The following ZFAT variants were observed in gnomAD, a reference collection of about 807,000 sequenced individuals.
ZFAT encodes zinc finger and AT-hook domain containing.
In ZFAT, 64 loss-of-function variants were observed where a neutral mutation model predicts 117.7. The observed-to-expected ratio is 0.54, with a 90% CI of 0.44 to 0.67. The LOEUF is 0.67. Among genes scored for constraint, ZFAT ranks in the 30% least tolerant of loss-of-function variants. The pLI is 0.00. For missense variants in ZFAT, 1,433 were observed against 1,584.5 expected (o/e 0.90, Z 1.62); for synonymous variants, 679 against 615.0 (o/e 1.10, Z -1.54).
chr8:134,602,901 C>T lies in ZFAT; in HGVS notation c.818G>A (p.Cys273Tyr), dbSNP rs1371386483. ...CTTGAAGACCTTGTTGCAGTATTCA[C>T]AAGTGAAGATTTTGAGCTGAGTGGG... The part of the protein sequence containing the change: ...LGPTQLKIFT[C>Y]EYCNKVFKFK... Residue 273 changes from cysteine to tyrosine, a missense_variant, in exon 6 of 16, where the codon TGT (cysteine) becomes TAT (tyrosine). This residue lies in a region of ZFAT where 436 missense variants were observed against 482.0 expected (regional missense o/e 0.90). Coordinates refer to ENST00000377838, the MANE Select transcript of ZFAT (RefSeq NM_020863.4). 2 of 1,612,934 alleles carry T rather than the reference C, an allele frequency of 1.2e-6. No individual in the cohort carries two copies. Among genetic ancestry groups the T allele is most frequent in the Non-Finnish European group, 8.5e-7 (1 of 1,179,354 alleles).
chr8:134,754,185 C>A, the ZFAT span, among the ~76,000 whole-genome samples: 1 of 152,186 alleles, frequency 6.6e-6, no homozygotes, highest in Admixed American at 6.5e-5. Context: ...CGCCTACAGG[C>A]AGGATGAGAA....
At chr8:134,585,384 T>C (rs905972367) in intron 9 of ZFAT, among the ~76,000 whole-genome samples, 8 of 152,182 alleles carry the variant, frequency 5.3e-5, no homozygotes, top group Non-Finnish European at 1.2e-4. Flanking sequence ...TGTCTTTAGA[T>C]CCTTTATAAA....
At chr8:134,610,118 C>A (rs746364992) in intron 4 of ZFAT, among the ~76,000 whole-genome samples, 28 of 152,298 alleles carry the variant, frequency 1.8e-4, no homozygotes, top group Non-Finnish European at 3.8e-4. Flanking sequence ...TGCAGGACAG[C>A]ATGGCTGAGA....
At chr8:134,651,465 A>C (rs1382491546) in intron 2 of ZFAT, among the ~76,000 whole-genome samples, 1 of 152,244 alleles carries the variant, frequency 6.6e-6, no homozygotes, top group Non-Finnish European at 1.5e-5. Flanking sequence ...AGGTAGTTGT[A>C]GAAGTTGTAC....
the ZFAT span, among the ~76,000 whole-genome samples, chr8:134,777,889 T>C: frequency 6.6e-6 from 1 of 152,190 alleles, no homozygotes; most frequent in Non-Finnish European, 1.5e-5. Flanking sequence ...TAGTGCAGCT[T>C]CCAGTTCATT....
intron 15 of ZFAT, among the ~76,000 whole-genome samples, chr8:134,508,929 TTTA>T (rs1316890267): frequency 6.6e-6 from 1 of 152,254 alleles, no homozygotes; most frequent in Admixed American, 6.5e-5. Context: ...TTTTCTGTTT[TTTA>T]AAGTATTTGT....
chr8:134,665,258 T>C (rs1044954216), intron 1 of ZFAT, among the ~76,000 whole-genome samples: 2 of 152,224 alleles, frequency 1.3e-5, no homozygotes, highest in Non-Finnish European at 2.9e-5. Flanking sequence ...TCTCTGGCCA[T>C]GGGCTGCAGA....
chr8:134,654,455 C>T (rs1477553490), intron 2 of ZFAT, among the ~76,000 whole-genome samples: 1 of 152,180 alleles, frequency 6.6e-6, no homozygotes, highest in African/African-American at 2.4e-5. Flanking sequence ...GGTTCACCTG[C>T]AACACCACGG....
chr8:134,769,159 C>A, the ZFAT span, among the ~76,000 whole-genome samples: 1 of 152,076 alleles, frequency 6.6e-6, no homozygotes, highest in African/African-American at 2.4e-5. Flanking sequence ...GGCAACAGAG[C>A]AAGACTCTGT....
At chr8:134,672,204 C>T (rs1397136892) in intron 1 of ZFAT, among the ~76,000 whole-genome samples, 2 of 152,192 alleles carry the variant, frequency 1.3e-5, no homozygotes, top group Non-Finnish European at 2.9e-5. Context: ...GATTCAATGC[C>T]ATCCCCATCA....
At chr8:134,558,532 T>C (rs1277927540) in intron 11 of ZFAT, among the ~76,000 whole-genome samples, 1 of 152,170 alleles carries the variant, frequency 6.6e-6, no homozygotes, top group Non-Finnish European at 1.5e-5. Flanking sequence ...AAGAAAAAAG[T>C]AAAACAACAT....
At chr8:134,716,449 C>G (rs1377362308), upstream of ZFAT, among the ~76,000 whole-genome samples, 3 of 152,172 alleles carry the variant, frequency 2.0e-5, no homozygotes, top group Non-Finnish European at 4.4e-5. Context: ...CCATCACATC[C>G]CCGGTCTGCC....
chr8:134,593,255 T>A (rs1586771873), intron 7 of ZFAT, among the ~76,000 whole-genome samples: 1 of 151,818 alleles, frequency 6.6e-6, no homozygotes, highest in South Asian at 2.1e-4. Flanking sequence ...TCTCTGATAG[T>A]CAGAAAGCAA....
intron 11 of ZFAT, among the ~76,000 whole-genome samples, chr8:134,554,324 C>A (rs7827545): frequency 2.0e-5 from 3 of 151,784 alleles, no homozygotes; most frequent in South Asian, 4.1e-4. Flanking sequence ...TGATCTCACA[C>A]TAACAACTTG....
At chr8:134,558,493 A>G (rs1230723080) in intron 11 of ZFAT, among the ~76,000 whole-genome samples, 1 of 152,244 alleles carries the variant, frequency 6.6e-6, no homozygotes, top group Non-Finnish European at 1.5e-5. Context: ...TTTGGCCCCA[A>G]TCTGCCTAAC....
chr8:134,669,065 AGAAAT>A (rs1337147685), intron 1 of ZFAT, among the ~76,000 whole-genome samples: 2 of 152,224 alleles, frequency 1.3e-5, no homozygotes, highest in Non-Finnish European at 2.9e-5. Flanking sequence ...AAGAGGAAAA[AGAAAT>A]GAACAAAGCC....
the ZFAT span, among the ~76,000 whole-genome samples, chr8:134,811,064 T>C: frequency 6.6e-6 from 1 of 151,426 alleles, no homozygotes; most frequent in Non-Finnish European, 1.5e-5. Flanking sequence ...AGTTAATTAA[T>C]AGAAGGAAAT....
At chr8:134,621,546 C>A (rs935960636) in intron 3 of ZFAT, among the ~76,000 whole-genome samples, 2 of 152,132 alleles carry the variant, frequency 1.3e-5, no homozygotes, top group Non-Finnish European at 2.9e-5. Context: ...TAGCTGAAGT[C>A]CCCTTGTCCA....
chr8:134,785,094 T>G, the ZFAT span: 6 of 152,212 alleles, frequency 3.9e-5, no homozygotes, highest in African/African-American at 4.8e-5. Context: ...TGTTTGCCAA[T>G]CCCTGATATT....
Sources: gnomAD v4.1 joint callset for allele counts (sites outside exome capture counted in the v4.1 genomes callset) on GRCh38, gnomAD v4.1.1 for gene constraint, gnomAD v4.1.1 regional missense constraint, MANE v1.5 for transcripts, NCBI Gene and HGNC (gene_info 2026-07-23, HGNC 2026-07-21) for gene names.